CTNNA3: variants seen among roughly 807,000 people sequenced by gnomAD.
CTNNA3 encodes catenin alpha 3.
A neutral mutation model predicts 95.7 loss-of-function variants in CTNNA3; 76 were observed. The ratio of observed to expected loss-of-function variants is 0.79; its 90% CI spans 0.66 to 0.96. The LOEUF is 0.96. CTNNA3 is among the 40% of genes least tolerant of loss of function. The pLI is 0.00. For missense variants in CTNNA3, 1,191 were observed against 1,089.8 expected (o/e 1.09, Z -1.31); for synonymous variants, 431 against 374.4 (o/e 1.15, Z -1.74).
intron 14 of CTNNA3, among the ~76,000 whole-genome samples, chr10:66,077,912 C>A (rs2080605288): frequency 6.6e-6 from 1 of 151,656 alleles, no homozygotes; most frequent in Admixed American, 6.6e-5. Flanking sequence ...ATTTGTTTAG[C>A]AAGAGTCAAT....
chr10:66,019,456 G>A (rs973416809), intron 15 of CTNNA3, among the ~76,000 whole-genome samples: 8 of 151,984 alleles, frequency 5.3e-5, no homozygotes, highest in African/African-American at 1.9e-4. Flanking sequence ...CCCAAAAGTG[G>A]GGGATCCCAC....
At chr10:66,091,115 C>A (rs1056954949) in intron 14 of CTNNA3, among the ~76,000 whole-genome samples, 7 of 151,824 alleles carry the variant, frequency 4.6e-5, no homozygotes, top group African/African-American at 1.2e-4. Flanking sequence ...TATACATGTT[C>A]AATTTTCAAC....
chr10:66,220,047 C>T (rs1182834255), intron 13 of CTNNA3, among the ~76,000 whole-genome samples: 1 of 151,908 alleles, frequency 6.6e-6, no homozygotes, highest in East Asian at 1.9e-4. Context: ...CACTTGAACC[C>T]GGGAGGCAGA....
At chr10:66,391,514 T>C (rs1194253494) in intron 11 of CTNNA3, among the ~76,000 whole-genome samples, 7 of 152,046 alleles carry the variant, frequency 4.6e-5, no homozygotes, top group Non-Finnish European at 8.8e-5. Context: ...TCTCAAGGAG[T>C]GTGTATCTTT....
At chr10:66,862,832 T>G (rs780031514) in intron 7 of CTNNA3, among the ~76,000 whole-genome samples, 35 of 152,278 alleles carry the variant, frequency 2.3e-4, no homozygotes, top group Non-Finnish European at 4.0e-4. Context: ...ATTGGTAGAT[T>G]GCATAAAGCA....
intron 17 of CTNNA3, among the ~76,000 whole-genome samples, chr10:65,961,127 T>C (rs1399878398): frequency 6.7e-6 from 1 of 149,980 alleles, no homozygotes; most frequent in Non-Finnish European, 1.5e-5. Context: ...TTACTGCCAC[T>C]TTAGGCAGTA....
intron 15 of CTNNA3, among the ~76,000 whole-genome samples, chr10:66,029,370 TC>T (rs1234277663): frequency 6.7e-6 from 1 of 148,892 alleles, no homozygotes; most frequent in Non-Finnish European, 1.5e-5. Flanking sequence ...TCTGACCTCA[TC>T]TTTTAACACT....
At chr10:67,492,231 G>C (rs1838864444) in intron 5 of CTNNA3, among the ~76,000 whole-genome samples, 1 of 151,898 alleles carries the variant, frequency 6.6e-6, no homozygotes, top group South Asian at 2.1e-4. Context: ...AGACATGTAG[G>C]AGAAAAATTG....
At chr10:66,435,831 C>T (rs560982068) in intron 11 of CTNNA3, among the ~76,000 whole-genome samples, 11 of 152,218 alleles carry the variant, frequency 7.2e-5, no homozygotes, top group African/African-American at 2.4e-4. Context: ...TATAAATTTC[C>T]CTCTAAACAC....
At chr10:67,507,904 T>C (rs900132142) in intron 5 of CTNNA3, among the ~76,000 whole-genome samples, 1 of 152,162 alleles carries the variant, frequency 6.6e-6, no homozygotes, top group Non-Finnish European at 1.5e-5. Flanking sequence ...ACAAAAATCA[T>C]ATAAACAACT....
intron 5 of CTNNA3, among the ~76,000 whole-genome samples, chr10:67,454,357 A>G (rs770792289): frequency 3.3e-5 from 5 of 152,156 alleles, no homozygotes; most frequent in Non-Finnish European, 7.4e-5. Context: ...TTTCCTCTAT[A>G]TGATAAACAT....
At chr10:66,270,227 G>T (rs905855288) in intron 13 of CTNNA3, among the ~76,000 whole-genome samples, 7 of 150,444 alleles carry the variant, frequency 4.7e-5, no homozygotes, top group Non-Finnish European at 1.0e-4. Context: ...CATTTTTTGG[G>T]GGGGGGGGCA....
Position 66,331,338 on chromosome 10 carries a change from G to GCTTGTTTTTTTTTTTTTTTTTTTTTTT in CTNNA3, c.1732+47813_1732+47814insAAAAAAAAAAAAAAAAAAAAAAACAAG, listed in dbSNP as rs1417713676. On this transcript the variant is annotated intron_variant, in intron 12 of 17. Coordinates refer to ENST00000433211, the MANE Select transcript of CTNNA3 (RefSeq NM_013266.4). ...TTAAATATGGACTCCTTTCCCCATT[G>GCTTGTTTTTTTTTTTTTTTTTTTTTTT]TTTGTTTTTTTTTTTTTTTTTTTTT... is the stretch of plus-strand genomic sequence containing the variant. 5.1e-5 allele frequency among the ~76,000 whole-genome samples: 2 copies of GCTTGTTTTTTTTTTTTTTTTTTTTTTT among 39,116 alleles called. 1 individual carries two copies. 25.7% of individuals were successfully genotyped at this position (39,116 alleles called of 152,430 possible).
chr10:66,870,383 T>G (rs115677366), intron 7 of CTNNA3, among the ~76,000 whole-genome samples: 2,544 of 152,326 alleles, frequency 0.017, 74 homozygotes, highest in African/African-American at 0.058. Flanking sequence ...CTGCAAAACT[T>G]GGGAATTTAC....
In CTNNA3 at chr10:67,423,599, A is replaced by C. The variant is rs890284731; in HGVS notation, c.579+98243T>G. On this transcript the variant is annotated intron_variant, in intron 5 of 17. Transcript: ENST00000433211. The stretch of plus-strand genomic sequence containing the variant: ...TCAGTTTTAAATCAAATTCAAAATG[A>C]GAACTAGAATATTCATTTTATTTTC... 9.2e-5 allele frequency among the ~76,000 whole-genome samples: 14 copies of C among 152,284 alleles called. No homozygotes were observed. The East Asian group carries it at 2.3e-3, about 25-fold the overall frequency.
chr10:67,489,805 T>TATATACAC, intron 5 of CTNNA3, among the ~76,000 whole-genome samples: 1 of 148,964 alleles, frequency 6.7e-6, no homozygotes, highest in African/African-American at 2.5e-5. Flanking sequence ...TATATATATA[T>TATATACAC]ACACACATTA....
chr10:66,643,436 A>G (rs533440806), intron 9 of CTNNA3, among the ~76,000 whole-genome samples: 1 of 152,260 alleles, frequency 6.6e-6, no homozygotes, highest in East Asian at 1.9e-4. Flanking sequence ...TAGAAACTGA[A>G]ATCTTTGTGA....
intron 9 of CTNNA3, among the ~76,000 whole-genome samples, chr10:66,663,757 C>G (rs1428448679): frequency 1.3e-5 from 2 of 152,110 alleles, no homozygotes; most frequent in Non-Finnish European, 2.9e-5. Flanking sequence ...AAGTTAAAGT[C>G]TTGTAACCAG....
At chr10:66,475,844 C>T (rs77452766) in intron 11 of CTNNA3, among the ~76,000 whole-genome samples, 2 of 151,368 alleles carry the variant, frequency 1.3e-5, no homozygotes, top group African/African-American at 4.8e-5. Context: ...ACTATTTGAC[C>T]CAGCAATCCC....
Sources: gnomAD v4.1 joint callset for allele counts (sites outside exome capture counted in the v4.1 genomes callset) on GRCh38, gnomAD v4.1.1 for gene constraint, MANE v1.5 for transcripts, NCBI Gene and HGNC (gene_info 2026-07-23, HGNC 2026-07-21) for gene names.